Variants in FBXW4 observed in about 807,000 individuals in gnomAD.
The protein encoded by FBXW4 is F-box and WD repeat domain containing 4.
FBXW4 carries 40 observed loss-of-function variants against 61.8 expected under a neutral mutation model. The observed-to-expected ratio is 0.65, with a 90% CI of 0.50 to 0.84. The LOEUF (loss-of-function observed/expected upper bound fraction) is 0.84. Among genes scored for constraint, FBXW4 ranks in the 40% least tolerant of loss-of-function variants. FBXW4 has a pLI of 0.00. For synonymous variants in FBXW4, 311 were observed against 313.8 expected, an observed-to-expected ratio of 0.99 and a Z score of 0.10; for missense variants, 672 against 753.8, an observed-to-expected ratio of 0.89 and a Z score of 1.27.
rs1317223847 is a variant in FBXW4 at position 101,694,755 on chromosome 10, A to C, written c.351T>G (p.Tyr117Ter). Reference sequence around the variant, plus strand: ...TGACCCTCCATTCCTCCTTCTTCCCATACTCTCTTCCTTGTGCCTCCTTCC... The same window carrying C: ...TGACCCTCCATTCCTCCTTCTTCCCCTACTCTCTTCCTTGTGCCTCCTTCC... ...GAGKEAQGRE[Y>*]GKKEEWRVRA... Residue 117 changes from tyrosine to a stop codon, truncating the protein, a stop_gained, in exon 1 of 9, where the codon TAT (tyrosine) becomes TAG (stop). Coordinates refer to ENST00000331272, the MANE Select transcript of FBXW4 (RefSeq NM_022039.4). LOFTEE classifies it high-confidence loss of function. The surrounding 1 kb of genome is among the most constrained non-coding windows in gnomAD (Gnocchi z 6.0). 1 of 1,356,302 alleles carries C rather than the reference A, an allele frequency of 7.4e-7. No individual in the cohort carries two copies. The highest frequency in any genetic ancestry group is 9.4e-7 in the Non-Finnish European group (1 of 1,062,816). The allele number at this position is 1,356,302 out of a possible 1,614,324, so 84.0% of individuals were successfully genotyped here. A position where few individuals can be genotyped will look rare whatever the true frequency, so the allele number is the denominator to read the frequency against.
intron 6 of FBXW4, chr10:101,622,964 A>G (rs1396975663): frequency 6.6e-6 from 1 of 152,238 alleles, no homozygotes; most frequent in Non-Finnish European, 1.5e-5. Flanking sequence ...TTCCATTAAA[A>G]GAAAACAATC....
At chr10:101,641,755 G>C (rs2064055527) in intron 5 of FBXW4, among the ~76,000 whole-genome samples, 1 of 151,082 alleles carries the variant, frequency 6.6e-6, no homozygotes, top group Admixed American at 6.6e-5. Flanking sequence ...TCAGAAATTA[G>C]GTACGAGGAA....
chr10:101,667,820 C>T (rs2064320185), intron 5 of FBXW4, 66 bp downstream of exon 5: 1 of 1,362,656 alleles, frequency 7.3e-7, no homozygotes, highest in Non-Finnish European at 1.0e-6. Context: ...TTCTAGCTCA[C>T]CTGATCTAGT....
intron 1 of FBXW4, among the ~76,000 whole-genome samples, chr10:101,687,100 CAG>C (rs1330348795): frequency 2.0e-5 from 3 of 152,258 alleles, no homozygotes; most frequent in Non-Finnish European, 4.4e-5. Context: ...TCATTCCTTT[CAG>C]TGAAACAGCT....
intron 6 of FBXW4, among the ~76,000 whole-genome samples, chr10:101,616,482 G>A (rs1195482681): frequency 1.3e-5 from 2 of 152,246 alleles, no homozygotes; most frequent in Non-Finnish European, 2.9e-5. Context: ...CAAAATGTGA[G>A]TTGGTAGGTA....
At chr10:101,651,247 T>C (rs555281532) in intron 5 of FBXW4, among the ~76,000 whole-genome samples, 3 of 152,218 alleles carry the variant, frequency 2.0e-5, no homozygotes, top group East Asian at 1.9e-4. Flanking sequence ...CCTGGCTTCA[T>C]TGTGCCCCAG....
chr10:101,676,588 C>T lies in FBXW4; in HGVS notation c.726-152G>A. 7.8e-6 allele frequency: 4 copies of T among 515,348 alleles called. No homozygotes were observed. In the South Asian group the frequency reaches 1.2e-4, roughly 16 times the overall value. The allele number at this position is 515,348 out of a possible 1,614,324, so 31.9% of individuals were successfully genotyped here. On this transcript the variant is annotated intron_variant, in intron 1 of 8. Transcript: ENST00000331272. The stretch of plus-strand genomic sequence containing the variant: ...AAGGAGTAACTGTTCTCTCTCCATA[C>T]TTGACTAAGAAAGCCAAGGAGAAAA...
intron 5 of FBXW4, among the ~76,000 whole-genome samples, chr10:101,630,479 G>GGAGC (rs2063943586): frequency 6.6e-6 from 1 of 152,214 alleles, no homozygotes; most frequent in South Asian, 2.1e-4. Context: ...GCCAGCAAGG[G>GGAGC]TAGGAAGGAG....
chr10:101,656,896 C>T (rs1208349046), intron 5 of FBXW4, among the ~76,000 whole-genome samples: 5 of 152,150 alleles, frequency 3.3e-5, no homozygotes, highest in Admixed American at 3.3e-4. Context: ...TTATCACATC[C>T]CAACTGGCAC....
Position 101,694,616 on chromosome 10 carries a change from C to CCT in FBXW4, c.488_489dup (p.Glu164ArgfsTer64), listed in dbSNP as rs1237749005. 1 of 1,436,442 alleles carries CCT rather than the reference C, an allele frequency of 7.0e-7. No individual in the cohort carries two copies. The highest frequency in any genetic ancestry group is 2.8e-5 in the Admixed American group (1 of 35,496). 89.0% of individuals were successfully genotyped at this position (1,436,442 alleles called of 1,614,324 possible). A position where few individuals can be genotyped will look rare whatever the true frequency, so the allele number is the denominator to read the frequency against. ...TCCCGAGCCGCCTCCTCCTCCTCCTCCTCCTCCCCGGCCGCCGCCGCCATG... is the reference window on the plus strand; with the variant it reads ...TCCCGAGCCGCCTCCTCCTCCTCCTCCTCTCCTCCCCGGCCGCCGCCGCCATG... On this transcript the variant is annotated frameshift_variant, in exon 1 of 9. Coordinates refer to ENST00000331272, the MANE Select transcript of FBXW4 (RefSeq NM_022039.4). LOFTEE classifies it high-confidence loss of function. This position sits in a 1 kb window ranked among gnomAD's most constrained non-coding sequence, Gnocchi z 6.0.
chr10:101,663,495 T>A (rs1321642158), intron 5 of FBXW4, among the ~76,000 whole-genome samples: 1 of 152,222 alleles, frequency 6.6e-6, no homozygotes, highest in African/African-American at 2.4e-5. Flanking sequence ...ACACATTTTT[T>A]AAAATCTGCT....
intron 1 of FBXW4, among the ~76,000 whole-genome samples, chr10:101,683,930 C>A (rs2064504979): frequency 6.6e-6 from 1 of 152,200 alleles, no homozygotes; most frequent in Non-Finnish European, 1.5e-5. Context: ...CAGGGTTACA[C>A]AAAATGCTTG....
intron 1 of FBXW4, among the ~76,000 whole-genome samples, chr10:101,690,715 T>G (rs1418999837): frequency 1.1e-4 from 17 of 152,202 alleles, no homozygotes; most frequent in Admixed American, 1.1e-3. Context: ...CCTTAGCAGT[T>G]TGTGTTTCTG....
intron 4 of FBXW4, among the ~76,000 whole-genome samples, chr10:101,670,331 C>T (rs1384245743): frequency 1.3e-5 from 2 of 152,182 alleles, no homozygotes; most frequent in Non-Finnish European, 2.9e-5. Flanking sequence ...TCTTAGCTTC[C>T]GTGTCCACAT....
intron 5 of FBXW4, among the ~76,000 whole-genome samples, chr10:101,654,964 C>T (rs917358298): frequency 6.6e-6 from 1 of 152,200 alleles, no homozygotes; most frequent in African/African-American, 2.4e-5. Flanking sequence ...GCTGGGACTA[C>T]AGGAGCATGT....
At chr10:101,632,423 C>T (rs1272591135) in intron 5 of FBXW4, among the ~76,000 whole-genome samples, 1 of 152,104 alleles carries the variant, frequency 6.6e-6, no homozygotes, top group African/African-American at 2.4e-5. Context: ...AGAATGCCTA[C>T]AGAGAAACAC....
At chr10:101,672,889 A>G (rs1402171182) in intron 4 of FBXW4, 26 bp downstream of exon 4, 10 of 1,612,968 alleles carry the variant, frequency 6.2e-6, no homozygotes, top group Admixed American at 1.7e-5. Context: ...AGGGAGTAAT[A>G]GTATGTAAGG....
chr10:101,653,428 T>C (rs942282206), intron 5 of FBXW4, among the ~76,000 whole-genome samples: 5 of 152,156 alleles, frequency 3.3e-5, no homozygotes, highest in African/African-American at 1.2e-4. Context: ...AGACTCCAAA[T>C]TTCCCCTCCA....
intron 5 of FBXW4, among the ~76,000 whole-genome samples, chr10:101,641,740 G>GGTACC (rs202042320): frequency 0.012 from 1,859 of 151,760 alleles, 17 homozygotes; most frequent in Non-Finnish European, 0.018. Flanking sequence ...ATTTGAAGTT[G>GGTACC]TAAATCAGAA....
Sources: gnomAD v4.1 joint callset for allele counts (sites outside exome capture counted in the v4.1 genomes callset) on GRCh38, gnomAD v4.1.1 for gene constraint, Gnocchi (gnomAD v3.1) non-coding constraint, MANE v1.5 for transcripts, NCBI Gene and HGNC (gene_info 2026-07-23, HGNC 2026-07-21) for gene names.